The following DCLK3 variants were observed in gnomAD, a reference collection of about 807,000 sequenced individuals.
The protein encoded by DCLK3 is serine/threonine-protein kinase DCLK3.
A neutral mutation model predicts 46.4 loss-of-function variants in DCLK3; 30 were observed. The observed-to-expected ratio is 0.65, with a 90% confidence interval of 0.48 to 0.88. The LOEUF is 0.88. DCLK3 is among the 40% of genes least tolerant of loss of function. The pLI is 0.00. For synonymous variants in DCLK3, 401 were observed against 339.2 expected (o/e 1.18, Z -2.00); for missense variants, 846 against 907.1 (o/e 0.93, Z 0.87).
chr3:36,715,205 T>A lies in DCLK3; in HGVS notation c.*123A>T. The A allele has an allele frequency of 9.5e-7, 1 of 1,055,104 alleles. No individual in the cohort carries two copies. Among genetic ancestry groups the A allele is most frequent in the South Asian group, 1.9e-5 (1 of 53,144 alleles). The allele number at this position is 1,055,104 out of a possible 1,614,324, so 65.4% of individuals were successfully genotyped here. ...TTAATATGCTTTAAAATATACTCAG[T>A]GTCTCTCCCTCTGATTCACCAATTA... On this transcript the variant is annotated 3_prime_UTR_variant, in exon 5 of 5. Coordinates refer to ENST00000636136, the MANE Select transcript of DCLK3 (RefSeq NM_001394672.2).
chr3:36,737,390 C>T lies in DCLK3; in HGVS notation c.1777G>A (p.Asp593Asn). The T allele has an allele frequency of 6.2e-7, 1 of 1,614,216 alleles. No homozygotes were observed. The highest frequency in any genetic ancestry group is 8.5e-7 in the Non-Finnish European group (1 of 1,180,046). ...IVKLHEVYETDMEIYLILEYV... is the reference protein window; with the variant it reads ...IVKLHEVYETNMEIYLILEYV... ...TCCAGGATCAGGTAGATTTCCATGT[C>T]TGTTTCGTAGACTTCATGCAATTTC... is the stretch of plus-strand genomic sequence containing the variant. The change falls in exon 2 of 5, where the codon GAC becomes AAC. Residue 593 changes from aspartate to asparagine, a missense_variant. Physicochemically the swap from Asp to Asn is conservative, Grantham distance 23 (BLOSUM62 1). Around this residue, in one of 3 missense-constraint regions of DCLK3, gnomAD observed 247 missense variants for 322.8 expected, o/e 0.77. Coordinates refer to ENST00000636136, the MANE Select transcript of DCLK3 (RefSeq NM_001394672.2). This position sits in a 1 kb window ranked among gnomAD's most constrained non-coding sequence, Gnocchi z 4.4.
chr3:36,746,197 A>T (rs559176471), intron 1 of DCLK3, among the ~76,000 whole-genome samples: 2 of 152,322 alleles, frequency 1.3e-5, no homozygotes, highest in East Asian at 3.9e-4. Context: ...TACCCATGAC[A>T]ATTTCCCTTA....
chr3:36,729,244 TGTGTG>T (rs1324919164), intron 2 of DCLK3, among the ~76,000 whole-genome samples: 2 of 35,936 alleles, frequency 5.6e-5, no homozygotes, highest in Non-Finnish European at 1.5e-4. Context: ...GTTGTGTGTG[TGTGTG>T]GGGGGGGGGG....
chr3:36,722,865 G>T (rs1701078923), intron 2 of DCLK3, among the ~76,000 whole-genome samples: 1 of 152,128 alleles, frequency 6.6e-6, no homozygotes, highest in Admixed American at 6.5e-5. Flanking sequence ...GCATGAAAAT[G>T]GACTAATACA....
At chr3:36,746,822 T>C (rs1226445016) in intron 1 of DCLK3, among the ~76,000 whole-genome samples, 2 of 152,238 alleles carry the variant, frequency 1.3e-5, no homozygotes, top group African/African-American at 2.4e-5. Context: ...AATGTTCATG[T>C]GCACACAAAT....
intron 2 of DCLK3, among the ~76,000 whole-genome samples, chr3:36,731,554 CTT>C (rs1325313971): frequency 3.3e-5 from 5 of 152,098 alleles, no homozygotes; most frequent in Non-Finnish European, 7.4e-5. Flanking sequence ...CAGTCAGTCT[CTT>C]ATCCCCATAA....
chr3:36,738,176 T>G lies in DCLK3; in HGVS notation c.991A>C (p.Ser331Arg). The part of the protein sequence containing the change: ...LERERLSLGT[S>R]ELDMGKGPMY... Reference sequence around the variant, plus strand: ...GGGCCCTTCCCCATATCCAGCTCACTGGTCCCCAGAGAAAGCCTCTCACGC... The same window carrying G: ...GGGCCCTTCCCCATATCCAGCTCACGGGTCCCCAGAGAAAGCCTCTCACGC... The change falls in exon 2 of 5, where the codon AGT becomes CGT. Residue 331 changes from serine to arginine, a missense_variant. By Grantham distance (110) the Ser-to-Arg change is moderately radical. Around this residue, in one of 3 missense-constraint regions of DCLK3, gnomAD observed 553 missense variants for 543.0 expected, o/e 1.02. Coordinates refer to ENST00000636136, the MANE Select transcript of DCLK3 (RefSeq NM_001394672.2). 8 of 1,613,946 alleles carry G rather than the reference T, an allele frequency of 5.0e-6. No individual in the cohort carries two copies. Among genetic ancestry groups the G allele is most frequent in the Non-Finnish European group, 6.8e-6 (8 of 1,179,946 alleles).
chr3:36,735,726 G>A (rs1701253733), intron 2 of DCLK3, among the ~76,000 whole-genome samples: 1 of 152,230 alleles, frequency 6.6e-6, no homozygotes, highest in African/African-American at 2.4e-5. Context: ...GCTTACTCAT[G>A]ATACTCACCT....
chr3:36,733,787 C>T (rs1295472144), intron 2 of DCLK3, among the ~76,000 whole-genome samples: 1 of 152,160 alleles, frequency 6.6e-6, no homozygotes, highest in Non-Finnish European at 1.5e-5. Flanking sequence ...AATAGATAAA[C>T]TCAGGAATAT....
chr3:36,721,914 TTTA>T lies in DCLK3; in HGVS notation c.1960-258_1960-256del, dbSNP rs1701066416. Among the ~76,000 whole-genome samples the T allele has an allele frequency of 2.0e-5, 3 of 152,174 alleles. No homozygotes were observed. In the South Asian group the frequency reaches 6.2e-4, roughly 32 times the overall value. ...ATATTGTCACAAGTGGCTACTTAAG[TTTA>T]TTAAGTAAAATTAAATTTAAAATTT... On this transcript the variant is annotated intron_variant, in intron 2 of 4. Transcript: ENST00000636136.
chr3:36,715,225 C>G lies in DCLK3; in HGVS notation c.*103G>C. The G allele has an allele frequency of 1.5e-6, 2 of 1,320,286 alleles. No homozygotes were observed. The highest frequency in any genetic ancestry group is 2.0e-6 in the Non-Finnish European group (2 of 975,702). 81.8% of individuals were successfully genotyped at this position (1,320,286 alleles called of 1,614,324 possible). ...CTCAGTGTCTCTCCCTCTGATTCAC[C>G]AATTATGTGAAGAAGCCTCTTTCAT... On this transcript the variant is annotated 3_prime_UTR_variant, in exon 5 of 5. Transcript: ENST00000636136.
intron 1 of DCLK3, among the ~76,000 whole-genome samples, chr3:36,751,290 C>T (rs890098447): frequency 4.6e-5 from 7 of 152,114 alleles, no homozygotes; most frequent in Non-Finnish European, 1.0e-4. Context: ...GCCCTAATAC[C>T]CACCCTGAGT....
chr3:36,717,975 G>A (rs182724793), intron 4 of DCLK3, 35 bp downstream of exon 4: 18 of 1,612,818 alleles, frequency 1.1e-5, no homozygotes, highest in East Asian at 4.5e-5. Context: ...AAACCCATCC[G>A]CTCCTCTGCT....
rs377654616 is a variant in DCLK3, at chr3:36,714,690, GT to G, written c.*637del. The stretch of plus-strand genomic sequence containing the variant: ...AGGAGCAAGAATGATTCAATGGTTT[GT>G]TTTTTTTCTTTCCATGTCTCAGACT... On this transcript the variant is annotated 3_prime_UTR_variant, in exon 5 of 5. Transcript: ENST00000636136. 0.045 allele frequency: 6,817 copies of G among 152,018 alleles called. 235 individuals carry two copies. The highest frequency in any genetic ancestry group is 0.068 in the Non-Finnish European group (4,655 of 67,990). The allele number at this position is 152,018 out of a possible 1,614,324, so 9.4% of individuals were successfully genotyped here.
intron 2 of DCLK3, among the ~76,000 whole-genome samples, chr3:36,727,131 CA>C (rs1024760808): frequency 4.7e-5 from 7 of 150,192 alleles, no homozygotes; most frequent in Admixed American, 1.3e-4. Context: ...AAAAATACAA[CA>C]AAAAAAAACA....
At chr3:36,718,827 AAC>A (rs146271031) in intron 3 of DCLK3, among the ~76,000 whole-genome samples, 36 of 151,750 alleles carry the variant, frequency 2.4e-4, no homozygotes, top group African/African-American at 6.3e-4. Context: ...ACTGGTATAC[AAC>A]ACACACACAC....
At chr3:36,734,044 A>C (rs568579015) in intron 2 of DCLK3, among the ~76,000 whole-genome samples, 1 of 152,372 alleles carries the variant, frequency 6.6e-6, no homozygotes, top group South Asian at 2.1e-4. Flanking sequence ...TTAGTTTGAC[A>C]ATATAAAGCT....
chr3:36,725,237 A>G (rs1701111798), intron 2 of DCLK3, among the ~76,000 whole-genome samples: 1 of 148,550 alleles, frequency 6.7e-6, no homozygotes, highest in Non-Finnish European at 1.5e-5. Context: ...GCGTGAACCC[A>G]GGAGGCGGAG....
rs1203325404 is a variant in DCLK3, at chr3:36,715,417, T to A, written c.2365A>T (p.Asn789Tyr). 1 of 1,614,074 alleles carries A rather than the reference T, an allele frequency of 6.2e-7. No homozygotes were observed. The highest frequency in any genetic ancestry group is 8.5e-7 in the Non-Finnish European group (1 of 1,179,980). ...HPWIETAGKT[N>Y]TVKRQKQVSP... is the part of the protein sequence containing the mutation. ...ACCTGCTTCTGTCGTTTCACTGTAT[T>A]GGTCTTGCCAGCTGTTTCGATCCAG... is the stretch of plus-strand genomic sequence containing the variant. Residue 789 changes from asparagine to tyrosine, a missense_variant, in exon 5 of 5, where the codon AAT becomes TAT. Asn to Tyr is a moderately radical substitution (Grantham distance 143). Coordinates refer to ENST00000636136, the MANE Select transcript of DCLK3 (RefSeq NM_001394672.2).
Sources: allele counts gnomAD v4.1 joint callset (sites outside exome capture counted in the v4.1 genomes callset), GRCh38; gene constraint gnomAD v4.1.1; regional missense constraint gnomAD v4.1.1; non-coding constraint Gnocchi (gnomAD v3.1); transcripts MANE v1.5; gene names NCBI Gene and HGNC (gene_info 2026-07-23, HGNC 2026-07-21).